The following HACE1 variants were observed in gnomAD, a reference collection of about 807,000 sequenced individuals.
HACE1 encodes HECT domain and ankyrin repeat containing E3 ubiquitin protein ligase 1.
A neutral mutation model predicts 118.4 loss-of-function variants in HACE1; 73 were observed. The ratio of observed to expected loss-of-function variants is 0.62; its 90% CI spans 0.51 to 0.75. HACE1 has a LOEUF of 0.75. Among genes scored for constraint, HACE1 ranks in the 30% least tolerant of loss-of-function variants. HACE1 has a pLI of 0.00. For missense variants in HACE1, 749 were observed against 1,102.2 expected, an observed-to-expected ratio of 0.68 and a Z score of 4.54; for synonymous variants, 368 against 374.8, an observed-to-expected ratio of 0.98 and a Z score of 0.21.
intron 10 of HACE1, among the ~76,000 whole-genome samples, chr6:104,793,664 C>T (rs1783312913): frequency 6.6e-6 from 1 of 152,108 alleles, no homozygotes; most frequent in Non-Finnish European, 1.5e-5. Context: ...GTCAACATTA[C>T]TTCACATAAT....
At chr6:104,795,807 T>C in intron 9 of HACE1, 122 bp from the exon 10 acceptor site, 1 of 660,274 alleles carries the variant, frequency 1.5e-6, no homozygotes, top group Non-Finnish European at 2.7e-6. Flanking sequence ...TTAGTTATTT[T>C]GTCTTGCATA....
chr6:104,775,851 T>C (rs992250637), intron 17 of HACE1, among the ~76,000 whole-genome samples: 1 of 152,188 alleles, frequency 6.6e-6, no homozygotes, highest in Non-Finnish European at 1.5e-5. Flanking sequence ...GCTAGTTTGG[T>C]TGGAAGCAAT....
intron 2 of HACE1, among the ~76,000 whole-genome samples, chr6:104,851,427 A>T (rs1388471337): frequency 6.6e-6 from 1 of 152,132 alleles, no homozygotes. Context: ...ACCCACCACA[A>T]AATACTGCAC....
intron 5 of HACE1, among the ~76,000 whole-genome samples, chr6:104,840,280 T>C (rs1032007832): frequency 6.6e-6 from 1 of 152,228 alleles, no homozygotes. Context: ...ACTATTTGGC[T>C]TAACTATGAA....
At chr6:104,743,058 A>C (rs944880513) in intron 22 of HACE1, among the ~76,000 whole-genome samples, 5 of 151,678 alleles carry the variant, frequency 3.3e-5, no homozygotes, top group African/African-American at 9.7e-5. Context: ...AAACTATCGC[A>C]AGAACAAAAA....
At chr6:104,810,091 G>T (rs184411429) in intron 7 of HACE1, among the ~76,000 whole-genome samples, 5 of 151,812 alleles carry the variant, frequency 3.3e-5, no homozygotes, top group Non-Finnish European at 7.4e-5. Flanking sequence ...GTTCAAAAAA[G>T]GTCTGATCTA....
chr6:104,778,364 C>G (rs1781413743), intron 14 of HACE1, among the ~76,000 whole-genome samples: 1 of 151,402 alleles, frequency 6.6e-6, no homozygotes. Context: ...GTGACTAACA[C>G]AGAGTAACAC....
At chr6:104,817,184 A>G (rs1353715048) in intron 6 of HACE1, among the ~76,000 whole-genome samples, 1 of 152,216 alleles carries the variant, frequency 6.6e-6, no homozygotes. Flanking sequence ...GTATTTTCCA[A>G]TACGAGAAGA....
intron 4 of HACE1, among the ~76,000 whole-genome samples, chr6:104,847,885 T>A (rs959671190): frequency 6.6e-6 from 1 of 151,836 alleles, no homozygotes; most frequent in Non-Finnish European, 1.5e-5. Context: ...TGGCGCAATC[T>A]CCACTCACTG....
Position 104,730,333 on chromosome 6 carries a change from G to A in HACE1, c.2597C>T (p.Thr866Ile). The change falls in exon 23 of 24, where the codon ACT becomes ATT. Residue 866 changes from threonine to isoleucine, a missense_variant. By Grantham distance (89) the Thr-to-Ile change is moderately conservative. Around this residue, in one of 5 missense-constraint regions of HACE1, gnomAD observed 165 missense variants for 229.9 expected, o/e 0.72. Coordinates refer to ENST00000262903, the MANE Select transcript of HACE1 (RefSeq NM_020771.4). ...GCTTGAAGTTGGTAAAAGATTTGGA[G>A]TATATGGCACAGCAGCGATTGTAAA... The part of the protein sequence containing the change: ...QNFTIAAVPY[T>I]PNLLPTSSTC... 1 of 1,577,702 alleles carries A rather than the reference G, an allele frequency of 6.3e-7. No homozygotes were observed. The highest frequency in any genetic ancestry group is 8.7e-7 in the Non-Finnish European group (1 of 1,146,762).
chr6:104,780,180 T>G (rs944943052), intron 14 of HACE1, among the ~76,000 whole-genome samples: 22 of 152,152 alleles, frequency 1.4e-4, no homozygotes, highest in African/African-American at 5.1e-4. Flanking sequence ...ATCATTTATC[T>G]ATGAAATGTG....
rs746431171 is a variant in HACE1, at chr6:104,859,557, C to T, written c.76+10G>A. ...CCCCGCGGCCAGCCTGGCCCCGCGACCCGGCTCACCCTCGGGCAACTCCAC... is the reference window on the plus strand; with the variant it reads ...CCCCGCGGCCAGCCTGGCCCCGCGATCCGGCTCACCCTCGGGCAACTCCAC... On this transcript the variant is annotated intron_variant, in intron 1 of 23. Transcript: ENST00000262903. 9 of 1,514,556 alleles carry T rather than the reference C, an allele frequency of 5.9e-6. No homozygotes were observed. In the East Asian group the frequency reaches 1.0e-4, roughly 18 times the overall value. 93.8% of individuals were successfully genotyped at this position (1,514,556 alleles called of 1,614,324 possible). A position where few individuals can be genotyped will look rare whatever the true frequency, so the allele number is the denominator to read the frequency against.
At position 104,791,504 on chromosome 6, in the gene HACE1, C is replaced by T. The variant is rs749968429; in HGVS notation, c.1074G>A (p.Lys358=). The change falls in exon 11 of 24, where the codon AAG becomes AAA. Residue 358 remains lysine, a splice_region_variant and synonymous_variant. Transcript: ENST00000262903. ...TAACAATGCCATATACTTTTCTCAC[C>T]TTGAACACCTGGCTTCTTGGAGTTT... ...GNKTPRSQVF[K]PLELLWHSLD... 2 of 1,611,976 alleles carry T rather than the reference C, an allele frequency of 1.2e-6. No homozygotes were observed.
chr6:104,730,405 GGGACCCT>G lies in HACE1; in HGVS notation c.2518_2524del (p.Arg840HisfsTer98). 2 of 1,497,752 alleles carry G rather than the reference GGGACCCT, an allele frequency of 1.3e-6. No homozygotes were observed. The highest frequency in any genetic ancestry group is 9.3e-7 in the Non-Finnish European group (1 of 1,073,850). The allele number at this position is 1,497,752 out of a possible 1,614,324, so 92.8% of individuals were successfully genotyped here. On this transcript the variant is annotated frameshift_variant, in exon 23 of 24. Coordinates refer to ENST00000262903, the MANE Select transcript of HACE1 (RefSeq NM_020771.4). LOFTEE classifies it high-confidence loss of function. The stretch of plus-strand genomic sequence containing the variant: ...CATGATATTAGCAAACCCACCATGT[GGGACCCT>G]GGAACTAAGAGTTTATATCTTAATA...
At chr6:104,780,261 A>C (rs1781588800) in intron 14 of HACE1, 1 of 339,366 alleles carries the variant, frequency 2.9e-6, no homozygotes, top group African/African-American at 2.2e-5. Flanking sequence ...ACAAACTGCT[A>C]CCTTCAAAAG....
At chr6:104,798,613 G>A (rs184876879) in intron 7 of HACE1, among the ~76,000 whole-genome samples, 2 of 152,076 alleles carry the variant, frequency 1.3e-5, no homozygotes, top group East Asian at 1.9e-4. Context: ...CAGCTTTACC[G>A]GCATCAAGCA....
intron 6 of HACE1, among the ~76,000 whole-genome samples, chr6:104,822,482 G>C (rs1772855692): frequency 6.6e-6 from 1 of 151,958 alleles, no homozygotes; most frequent in African/African-American, 2.4e-5. Context: ...GAGCCCAGGA[G>C]TTCAAGGTTA....
chr6:104,771,979 G>C lies in HACE1; in HGVS notation c.1960C>G (p.His654Asp), dbSNP rs1311005363. Reference protein sequence around the residue: ...AGQILGLALNHRQLVNIYFTR... With the variant: ...AGQILGLALNDRQLVNIYFTR... ...AAGTAAATATTGACCAGCTGCCTGT[G>C]GTTCAACGCTAATCCCAAGATCTGC... The change falls in exon 18 of 24, where the codon CAC becomes GAC. Residue 654 changes from histidine (H) to aspartate (D), a missense_variant. This residue lies in a region of HACE1 where 195 missense variants were observed against 322.1 expected (regional missense o/e 0.61). Transcript: ENST00000262903. The C allele has an allele frequency of 6.2e-7, 1 of 1,607,860 alleles. No homozygotes were observed. Among genetic ancestry groups the C allele is most frequent in the Admixed American group, 1.7e-5 (1 of 59,980 alleles).
chr6:104,796,232 T>G (rs1769608375), intron 9 of HACE1, among the ~76,000 whole-genome samples: 1 of 152,202 alleles, frequency 6.6e-6, no homozygotes, highest in East Asian at 1.9e-4. Flanking sequence ...CAGCTCAGCC[T>G]CCCAAGTAGC....
Sources: allele counts gnomAD v4.1 joint callset (sites outside exome capture counted in the v4.1 genomes callset), GRCh38; gene constraint gnomAD v4.1.1; regional missense constraint gnomAD v4.1.1; transcripts MANE v1.5; gene names NCBI Gene and HGNC (gene_info 2026-07-23, HGNC 2026-07-21).